FAM120A: variants seen among roughly 807,000 people sequenced by gnomAD.
The protein encoded by FAM120A is constitutive coactivator of PPAR-gamma-like protein 1.
FAM120A carries 15 observed loss-of-function variants against 109.7 expected under a neutral mutation model. The ratio of observed to expected loss-of-function variants is 0.14; its 90% CI spans 0.09 to 0.21. The LOEUF (loss-of-function observed/expected upper bound fraction) is 0.21. Among genes scored for constraint, FAM120A ranks in the 10% least tolerant of loss-of-function variants. The pLI, the probability that FAM120A is intolerant of heterozygous loss-of-function variation, is 1.00. For missense variants in FAM120A, 899 were observed against 1,439.3 expected, an observed-to-expected ratio of 0.62 and a Z score of 6.07; for synonymous variants, 493 against 572.8, an observed-to-expected ratio of 0.86 and a Z score of 1.99.
At chr9:93,524,715 T>C (rs1299945998) in intron 7 of FAM120A, among the ~76,000 whole-genome samples, 1 of 152,224 alleles carries the variant, frequency 6.6e-6, no homozygotes, top group African/African-American at 2.4e-5. Flanking sequence ...CTACCTTATT[T>C]GTGACTGTGG....
chr9:93,497,380 G>A lies in FAM120A; in HGVS notation c.805-91G>A, dbSNP rs148211935. The A allele has an allele frequency of 8.6e-6, 13 of 1,506,026 alleles. No homozygotes were observed. The Admixed American group carries it at 2.5e-4, about 29-fold the overall frequency. The allele number at this position is 1,506,026 out of a possible 1,614,324, so 93.3% of individuals were successfully genotyped here. ...GGCACTGATAAGATCTTAGATGGTA[G>A]CTCCTTGTTGAATTTCTGGCTCCTG... On this transcript the variant is annotated intron_variant, in intron 3 of 17. Transcript: ENST00000277165.
intron 2 of FAM120A, among the ~76,000 whole-genome samples, chr9:93,475,037 G>C (rs1285520793): frequency 6.6e-6 from 1 of 152,208 alleles, no homozygotes; most frequent in Non-Finnish European, 1.5e-5. Flanking sequence ...GTGTTTGTGT[G>C]TTTGGAATAC....
In FAM120A at chr9:93,452,531, G is replaced by T. The variant is rs200709426; in HGVS notation, c.474+142G>T. ...AGCCCTTGCCCGGGATAGCCTGGCCGGGCCGGGCTGCAAGATGGATGGCCG... is the reference window on the plus strand; with the variant it reads ...AGCCCTTGCCCGGGATAGCCTGGCCTGGCCGGGCTGCAAGATGGATGGCCG... On this transcript the variant is annotated intron_variant, in intron 1 of 17. Coordinates refer to ENST00000277165, the MANE Select transcript of FAM120A (RefSeq NM_014612.5). The surrounding 1 kb of genome is among the most constrained non-coding windows in gnomAD (Gnocchi z 7.0). 1 of 1,561,578 alleles carries T rather than the reference G, an allele frequency of 6.4e-7. No individual in the cohort carries two copies. The highest frequency in any genetic ancestry group is 8.6e-7 in the Non-Finnish European group (1 of 1,159,438).
At chr9:93,453,078 G>T (rs1180868065) in intron 1 of FAM120A, 4 of 1,081,694 alleles carry the variant, frequency 3.7e-6, no homozygotes, top group Non-Finnish European at 4.5e-6. Flanking sequence ...TGTCAGTTCT[G>T]TGACTTCACG....
chr9:93,540,073 G>T (rs1861642305), intron 10 of FAM120A, among the ~76,000 whole-genome samples: 1 of 152,230 alleles, frequency 6.6e-6, no homozygotes, highest in African/African-American at 2.4e-5. Flanking sequence ...TCAGGACTGT[G>T]TTGCAAAGTT....
At chr9:93,489,042 G>A (rs1035882824) in intron 3 of FAM120A, among the ~76,000 whole-genome samples, 6 of 150,032 alleles carry the variant, frequency 4.0e-5, no homozygotes, top group African/African-American at 1.5e-4. Flanking sequence ...GACTACTGTT[G>A]TGTTGCCAAC....
At chr9:93,486,535 C>CTTTTTTTTTTTTTTTTTTTTTT (rs139344165) in intron 3 of FAM120A, among the ~76,000 whole-genome samples, 2 of 138,582 alleles carry the variant, frequency 1.4e-5, no homozygotes, top group African/African-American at 2.6e-5. Flanking sequence ...TTTCTTTTTT[C>CTTTTTTTTTTTTTTTTTTTTTT]TTTTTTTTTT....
chr9:93,478,736 A>G (rs1208218623), intron 3 of FAM120A, among the ~76,000 whole-genome samples: 2 of 152,212 alleles, frequency 1.3e-5, no homozygotes, highest in Admixed American at 6.5e-5. Context: ...TTGGCCTCCC[A>G]AAGTGCTGGG....
rs1564348973 is a variant in FAM120A at position 93,532,467 on chromosome 9, C to A, written c.1909+138C>A. The A allele has an allele frequency of 4.7e-6, 4 of 844,678 alleles. No homozygotes were observed. Among genetic ancestry groups the A allele is most frequent in the Non-Finnish European group, 7.7e-6 (4 of 519,176 alleles). The allele number at this position is 844,678 out of a possible 1,614,324, so 52.3% of individuals were successfully genotyped here. On this transcript the variant is annotated intron_variant, in intron 10 of 17. Coordinates refer to ENST00000277165, the MANE Select transcript of FAM120A (RefSeq NM_014612.5). The surrounding 1 kb of genome is among the most constrained non-coding windows in gnomAD (Gnocchi z 4.3). ...AAAGGAGGTGGGCCCATCATCGGGG[C>A]AGTAGGCCAGGGTAAAGGCTCTTAG...
At chr9:93,458,017 A>G (rs1857627071) in intron 1 of FAM120A, among the ~76,000 whole-genome samples, 1 of 152,094 alleles carries the variant, frequency 6.6e-6, no homozygotes. Context: ...GGTGAGTGCT[A>G]ACCCACATGT....
chr9:93,535,873 A>G (rs1394747923), intron 10 of FAM120A, among the ~76,000 whole-genome samples: 1 of 152,210 alleles, frequency 6.6e-6, no homozygotes, highest in Non-Finnish European at 1.5e-5. Flanking sequence ...GCACAGTGTG[A>G]TCTGTGTTCA....
chr9:93,499,192 C>T (rs908776913), intron 5 of FAM120A, among the ~76,000 whole-genome samples: 2 of 152,012 alleles, frequency 1.3e-5, no homozygotes, highest in African/African-American at 4.8e-5. Flanking sequence ...TACAGAATTG[C>T]CTGAGGACGT....
In FAM120A at chr9:93,509,393, G is replaced by A. The variant is rs1403861609; in HGVS notation, c.1031-6274G>A. 2.0e-5 allele frequency among the ~76,000 whole-genome samples: 3 copies of A among 152,230 alleles called. No homozygotes were observed. The East Asian group carries it at 5.8e-4, about 29-fold the overall frequency. Reference sequence around the variant, plus strand: ...CTGGGGGCTATGAGCCGTAAGTGGGGCCCATTATAGAAGCTGGTGATGACT... The same window carrying A: ...CTGGGGGCTATGAGCCGTAAGTGGGACCCATTATAGAAGCTGGTGATGACT... On this transcript the variant is annotated intron_variant, in intron 5 of 17. Transcript: ENST00000277165.
chr9:93,519,657 TCTC>T (rs1394677031), intron 7 of FAM120A, among the ~76,000 whole-genome samples: 1 of 151,986 alleles, frequency 6.6e-6, no homozygotes, highest in Non-Finnish European at 1.5e-5. Flanking sequence ...AGACCTAACT[TCTC>T]CTGTCTTCTG....
chr9:93,468,072 C>T (rs893507110), intron 1 of FAM120A, among the ~76,000 whole-genome samples: 12 of 151,922 alleles, frequency 7.9e-5, no homozygotes, highest in Non-Finnish European at 1.8e-4. Flanking sequence ...TTAGTAGAGT[C>T]GGGGTTTCAC....
Position 93,452,122 on chromosome 9 carries a change from C to G in FAM120A, c.207C>G (p.Gly69=), listed in dbSNP as rs1308317462. The G allele has an allele frequency of 6.2e-7, 1 of 1,610,954 alleles. No individual in the cohort carries two copies. The highest frequency in any genetic ancestry group is 2.2e-5 in the East Asian group (1 of 44,848). The part of the protein sequence containing the change: ...GGFYTDWVSG[G]QWNHMLGYLA... Reference sequence around the variant, plus strand: ...TCTACACCGACTGGGTCAGCGGCGGCCAGTGGAACCACATGCTTGGCTACC... The same window carrying G: ...TCTACACCGACTGGGTCAGCGGCGGGCAGTGGAACCACATGCTTGGCTACC... Residue 69 remains glycine, a synonymous_variant, in exon 1 of 18, where the codon GGC becomes GGG. Transcript: ENST00000277165. The surrounding 1 kb of genome is among the most constrained non-coding windows in gnomAD (Gnocchi z 7.0).
At chr9:93,562,839 A>G (rs1226737460) in intron 17 of FAM120A, among the ~76,000 whole-genome samples, 3 of 151,484 alleles carry the variant, frequency 2.0e-5, no homozygotes, top group Non-Finnish European at 4.4e-5. Context: ...TAATTTTTGT[A>G]GTTTTAGTAG....
intron 11 of FAM120A, among the ~76,000 whole-genome samples, chr9:93,545,128 G>A (rs1300720968): frequency 1.3e-5 from 2 of 151,958 alleles, no homozygotes; most frequent in African/African-American, 4.8e-5. Flanking sequence ...TTGCCCCTGT[G>A]TCTCCCTGCC....
At chr9:93,508,351 G>A (rs1860157971) in intron 5 of FAM120A, among the ~76,000 whole-genome samples, 1 of 152,202 alleles carries the variant, frequency 6.6e-6, no homozygotes, top group African/African-American at 2.4e-5. Context: ...AGGTGCTTGG[G>A]AAGGGCCCCG....
Sources: gnomAD v4.1 joint callset for allele counts (sites outside exome capture counted in the v4.1 genomes callset) on GRCh38, gnomAD v4.1.1 for gene constraint, Gnocchi (gnomAD v3.1) non-coding constraint, MANE v1.5 for transcripts, NCBI Gene and HGNC (gene_info 2026-07-23, HGNC 2026-07-21) for gene names.